The following TTN variants were observed in gnomAD, a reference collection of about 807,000 sequenced individuals.
TTN encodes titin.
In TTN, 1,525 loss-of-function variants were observed where a neutral mutation model predicts 3,223.0. The ratio of observed to expected loss-of-function variants is 0.47; its 90% CI spans 0.45 to 0.49. TTN has a LOEUF of 0.49. Among genes scored for constraint, TTN ranks in the 20% least tolerant of loss-of-function variants. The pLI is 0.00. For synonymous variants in TTN, 14,094 were observed against 15,161.0 expected (o/e 0.93, Z 5.17); for missense variants, 40,786 against 43,424.0 (o/e 0.94, Z 5.40).
In TTN at chr2:178,569,538, C is replaced by G; in HGVS notation, c.76594G>C (p.Val25532Leu). Reference protein sequence around the residue: ...IRAGGSLRLFVPIKGRPTPEV... With the variant: ...IRAGGSLRLFLPIKGRPTPEV... Reference sequence around the variant, plus strand: ...GGTGTAGGACGACCTTTTATAGGAACAAATAACCTTAAGGAGCCACCTGCC... The same window carrying G: ...GGTGTAGGACGACCTTTTATAGGAAGAAATAACCTTAAGGAGCCACCTGCC... The change falls in exon 326 of 363, where the codon GTT becomes CTT. Residue 25532 changes from valine (V) to leucine (L), a missense_variant. Physicochemically the swap from Val to Leu is conservative, Grantham distance 32. Transcript: ENST00000589042. The G allele has an allele frequency of 6.2e-7, 1 of 1,612,782 alleles. No homozygotes were observed. The highest frequency in any genetic ancestry group is 8.5e-7 in the Non-Finnish European group (1 of 1,179,406).
At chr2:178,684,771 C>A in intron 130 of TTN, 22 bp from the exon 131 acceptor site, 1 of 1,604,616 alleles carries the variant, frequency 6.2e-7, no homozygotes, top group Middle Eastern at 1.7e-4. Flanking sequence ...CCAGGCAATA[C>A]CATCAAACAT....
rs759432239 is a variant in TTN, at chr2:178,735,643, T to C, written c.14803A>G (p.Lys4935Glu). The change falls in exon 50 of 363, where the codon AAG becomes GAG. Residue 4935 changes from lysine to glutamate, a missense_variant. Transcript: ENST00000589042. The part of the protein sequence containing the change: ...GQKLPPGKDY[K>E]ICFEDKIATL... ...GCTATTTTATCTTCAAAACAGATCT[T>C]ATAATCTTTCCCTGGGGGGAGTTTT... 1.9e-6 allele frequency: 3 copies of C among 1,613,776 alleles called. No homozygotes were observed. The highest frequency in any genetic ancestry group is 2.2e-5 in the East Asian group (1 of 44,824).
intron 1 of TTN, among the ~76,000 whole-genome samples, chr2:178,805,575 T>G (rs893190542): frequency 6.6e-6 from 1 of 152,168 alleles, no homozygotes; most frequent in African/African-American, 2.4e-5. Flanking sequence ...TTATCAAATA[T>G]GCAAGCTTTT....
Position 178,800,446 on chromosome 2 carries a change from C to A in TTN, c.532G>T (p.Ala178Ser). ...GTAGCTCTTCCAACGCTATTGGTGG[C>A]ATTTACTGAATAGGTCCCTGAGTCC... ...PEDSGTYSVN[A>S]TNSVGRATST... The change falls in exon 4 of 363, where the codon GCC becomes TCC. Residue 178 changes from alanine (A) to serine (S), a missense_variant. Physicochemically the swap from Ala to Ser is moderately conservative, Grantham distance 99 (BLOSUM62 1). Transcript: ENST00000589042. 6.2e-7 allele frequency: 1 copy of A among 1,614,174 alleles called. No homozygotes were observed. The highest frequency in any genetic ancestry group is 1.7e-5 in the Admixed American group (1 of 60,018).
In TTN at chr2:178,631,034, C is replaced by T. The variant is rs1339350914; in HGVS notation, c.44014G>A (p.Asp14672Asn). 5 of 1,612,822 alleles carry T rather than the reference C, an allele frequency of 3.1e-6. No homozygotes were observed. The highest frequency in any genetic ancestry group is 3.3e-4 in the Middle Eastern group (2 of 6,074). The change falls in exon 237 of 363, where the codon GAT becomes AAT. Residue 14672 changes from aspartate to asparagine, a missense_variant and splice_region_variant. Coordinates refer to ENST00000589042, the MANE Select transcript of TTN (RefSeq NM_001267550.2). The stretch of plus-strand genomic sequence containing the variant: ...GTGAAACTCATGGAAATTTCCTTAC[C>T]CTCAATGTCAAGTTTTCCTGAGGTC... ...DKTSGKLDIE[D>N]REIKLVRPLH...
At chr2:178,753,241 A>G (rs891612752) in intron 46 of TTN, 61 bp from the exon 47 acceptor site, 47 of 1,317,034 alleles carry the variant, frequency 3.6e-5, no homozygotes, top group Admixed American at 5.3e-5. Context: ...TTCTGCATCA[A>G]TTCATGACTT....
Position 178,579,330 on chromosome 2 carries a change from T to C in TTN, c.67700A>G (p.Asn22567Ser). The change falls in exon 320 of 363, where the codon AAC becomes AGC. Residue 22567 changes from asparagine (N) to serine (S), a missense_variant. Transcript: ENST00000589042. ...DLCYLAKENS[N>S]FRLKIPIKGK... ...TTTTATGGGGATCTTAAGCCGGAAG[T>C]TGCTGTTTTCTTTAGCCAAGTAGCA... is the stretch of plus-strand genomic sequence containing the variant. 2 of 1,607,358 alleles carry C rather than the reference T, an allele frequency of 1.2e-6. No homozygotes were observed. The highest frequency in any genetic ancestry group is 8.5e-7 in the Non-Finnish European group (1 of 1,176,348).
chr2:178,680,220 C>T lies in TTN; in HGVS notation c.33418+34G>A, dbSNP rs375283304. ...TGAAGAGGAATTCAACAGCAAAAGACGAACAAAACATTAAAATGAGTGCCA... is the reference window on the plus strand; with the variant it reads ...TGAAGAGGAATTCAACAGCAAAAGATGAACAAAACATTAAAATGAGTGCCA... On this transcript the variant is annotated intron_variant, in intron 139 of 362. Coordinates refer to ENST00000589042, the MANE Select transcript of TTN (RefSeq NM_001267550.2). 3.1e-4 allele frequency: 504 copies of T among 1,606,134 alleles called. 2 individuals carry two copies. The Middle Eastern group carries it at 5.0e-3, about 16-fold the overall frequency.
At position 178,530,135 on chromosome 2, in the gene TTN, TTG is replaced by T. The variant is rs748727381; in HGVS notation, c.106375-21_106375-20del. On this transcript the variant is annotated intron_variant, in intron 358 of 362. Transcript: ENST00000589042. ...TAATGGCCTGTAGAATGCAAATGAT[TTG>T]TGTTTTAAAAAGTGATTTCATTTTA... The T allele has an allele frequency of 1.3e-6, 2 of 1,572,114 alleles. No homozygotes were observed. The highest frequency in any genetic ancestry group is 2.4e-5 in the South Asian group (2 of 83,612).
Position 178,790,738 on chromosome 2 carries a change from T to C in TTN, c.1770A>G (p.Gln590=), listed in dbSNP as rs1464944908. 1 of 1,614,200 alleles carries C rather than the reference T, an allele frequency of 6.2e-7. No homozygotes were observed. Among genetic ancestry groups the C allele is most frequent in the East Asian group, 2.2e-5 (1 of 44,876 alleles). The change falls in exon 11 of 363, where the codon CAA becomes CAG. Residue 590 remains glutamine (Q), a synonymous_variant. Transcript: ENST00000589042. ...CATAACTTAGGTGCATTTGATCTTGTTGTGTGGTAGTTTCTTCTTGAGCTC... is the reference window on the plus strand; with the variant it reads ...CATAACTTAGGTGCATTTGATCTTGCTGTGTGGTAGTTTCTTCTTGAGCTC... The part of the protein sequence containing the change: ...VPGAQEETTT[Q]QDQMHLSYEK...
chr2:178,559,242 T>C, intron 326 of TTN, 69 bp downstream of exon 326: 1 of 1,384,068 alleles, frequency 7.2e-7, no homozygotes, highest in Non-Finnish European at 9.8e-7. Flanking sequence ...AACGACTAAT[T>C]AGAATGACTC....
chr2:178,538,732 A>G lies in TTN; in HGVS notation c.99097T>C (p.Tyr33033His). Residue 33033 changes from tyrosine (Y) to histidine (H), a missense_variant, in exon 354 of 363, where the codon TAC becomes CAC. Transcript: ENST00000589042. ...ECDGGKEILG[Y>H]WVEYRQSGDS... The stretch of plus-strand genomic sequence containing the variant: ...CCAGACTGTCTATATTCAACCCAGT[A>G]TCCAAGAATTTCTTTACCACCATCA... 6.2e-7 allele frequency: 1 copy of G among 1,613,784 alleles called. No individual in the cohort carries two copies. The highest frequency in any genetic ancestry group is 8.5e-7 in the Non-Finnish European group (1 of 1,179,740).
rs58282760 is a variant in TTN at position 178,791,663 on chromosome 2, A to ATGTGTGTGTGTG, written c.1662+397_1662+408dup. 8.2e-4 allele frequency among the ~76,000 whole-genome samples: 121 copies of ATGTGTGTGTGTG among 147,478 alleles called. 1 individual carries two copies. The highest frequency in any genetic ancestry group is 1.5e-3 in the South Asian group (7 of 4,592). On this transcript the variant is annotated intron_variant, in intron 10 of 362. Transcript: ENST00000589042. ...GTGTTTATGGCTGATGTATGTGTAT[A>ATGTGTGTGTGTG]TGTGTGTGTGTGTGTGTGTGTGTGT... is the stretch of plus-strand genomic sequence containing the variant.
rs141253288 is a variant in TTN, at chr2:178,794,527, C to A, written c.1270G>T (p.Ala424Ser). 1.2e-6 allele frequency: 2 copies of A among 1,614,202 alleles called. No individual in the cohort carries two copies. The highest frequency in any genetic ancestry group is 1.7e-6 in the Non-Finnish European group (2 of 1,180,004). ...GCAGCAACAACAGTCGCAACAGCTG[C>A]ACTTTTGTCAGCATCTTGTTTCACC... ...KEVKQDADKS[A>S]AVATVVAAVD... The change falls in exon 8 of 363, where the codon GCA (alanine) becomes TCA (serine). Residue 424 changes from alanine (A) to serine (S), a missense_variant. Transcript: ENST00000589042.
Position 178,631,075 on chromosome 2 carries a change from T to A in TTN, c.43973A>T (p.Asp14658Val). 4 of 1,613,332 alleles carry A rather than the reference T, an allele frequency of 2.5e-6. No homozygotes were observed. Among genetic ancestry groups the A allele is most frequent in the Non-Finnish European group, 2.5e-6 (3 of 1,179,592 alleles). The change falls in exon 237 of 363, where the codon GAC (aspartate) becomes GTC (valine). Residue 14658 changes from aspartate (D) to valine (V), a missense_variant. Physicochemically the swap from Asp to Val is radical, Grantham distance 152 (BLOSUM62 -3). Transcript: ENST00000589042. The part of the protein sequence containing the change: ...LKSDIGQYTC[D>V]CGTDKTSGKL... ...TCCTGAGGTCTTATCTGTCCCACAG[T>A]CACAGGTGTACTGTCCAATATCTGA... is the stretch of plus-strand genomic sequence containing the variant.
chr2:178,609,172 CT>C, intron 273 of TTN, 35 bp downstream of exon 273: 3 of 1,455,726 alleles, frequency 2.1e-6, no homozygotes, highest in South Asian at 1.6e-5. Context: ...TTACTAAAAC[CT>C]TTTTCCATTG....
intron 6 of TTN, among the ~76,000 whole-genome samples, chr2:178,797,142 G>A (rs1319551512): frequency 2.0e-5 from 3 of 152,138 alleles, no homozygotes; most frequent in Non-Finnish European, 4.4e-5. Flanking sequence ...TTAGGCTTGG[G>A]TTTTAAAATA....
chr2:178,795,278 G>A (rs1561472916), intron 6 of TTN, 26 bp from the exon 7 acceptor site: 1 of 1,608,772 alleles, frequency 6.2e-7, no homozygotes, highest in Non-Finnish European at 8.5e-7. Flanking sequence ...CAGAGGTCAA[G>A]AATGTCAAAG....
intron 278 of TTN, 110 bp downstream of exon 278, chr2:178,606,911 T>C: frequency 8.2e-7 from 1 of 1,225,448 alleles, no homozygotes; most frequent in South Asian, 1.6e-5. Context: ...TTATTACTCT[T>C]TAGCTATAGA....
Sources: allele counts gnomAD v4.1 joint callset (sites outside exome capture counted in the v4.1 genomes callset), GRCh38; gene constraint gnomAD v4.1.1; transcripts MANE v1.5; gene names NCBI Gene and HGNC (gene_info 2026-07-23, HGNC 2026-07-21).